PUS10: variants seen among roughly 807,000 people sequenced by gnomAD.
PUS10 encodes the protein tRNA pseudouridine synthase Pus10.
Under a neutral mutation model 75.0 loss-of-function variants are expected in PUS10, and 59 were observed. The observed-to-expected ratio is 0.79, with a 90% CI of 0.64 to 0.98. PUS10 has a LOEUF of 0.98. PUS10 is among the 50% of genes least tolerant of loss of function. The pLI is 0.00. For missense variants in PUS10, 650 were observed against 614.4 expected, an observed-to-expected ratio of 1.06 and a Z score of -0.61; for synonymous variants, 219 against 211.6, an observed-to-expected ratio of 1.03 and a Z score of -0.30.
chr2:60,987,997 G>A (rs189022747), intron 4 of PUS10, among the ~76,000 whole-genome samples: 191 of 151,920 alleles, frequency 1.3e-3, no homozygotes, highest in Non-Finnish European at 2.0e-3. Flanking sequence ...GCTGAGGCAG[G>A]AGAATCTCTT....
chr2:60,973,893 G>C (rs1365252585), intron 4 of PUS10, among the ~76,000 whole-genome samples: 1 of 152,226 alleles, frequency 6.6e-6, no homozygotes, highest in Non-Finnish European at 1.5e-5. Context: ...CCAAAGAGAT[G>C]AGGGGACAAC....
chr2:60,960,810 A>C lies in PUS10; in HGVS notation c.875-293T>G, dbSNP rs986855686. The stretch of plus-strand genomic sequence containing the variant: ...ATATTTAATTTGATTGGCTGACTAA[A>C]CAAGTTATATAATATTATGAATATA... On this transcript the variant is annotated intron_variant, in intron 10 of 17. Transcript: ENST00000316752. 2.6e-5 allele frequency among the ~76,000 whole-genome samples: 4 copies of C among 151,598 alleles called. No homozygotes were observed. In the South Asian group the frequency reaches 8.3e-4, roughly 32 times the overall value.
intron 1 of PUS10, among the ~76,000 whole-genome samples, chr2:61,014,831 C>G (rs1348396030): frequency 6.6e-6 from 1 of 152,192 alleles, no homozygotes; most frequent in Admixed American, 6.5e-5. Flanking sequence ...TTCTTCTAGT[C>G]TGCGTTTTCC....
At chr2:61,004,439 T>C (rs760955594) in intron 4 of PUS10, among the ~76,000 whole-genome samples, 2 of 151,868 alleles carry the variant, frequency 1.3e-5, no homozygotes. Flanking sequence ...CCATCCTGGC[T>C]AACACGGTGA....
intron 1 of PUS10, among the ~76,000 whole-genome samples, chr2:61,013,520 T>C (rs1679770362): frequency 1.3e-5 from 2 of 150,236 alleles, no homozygotes; most frequent in Admixed American, 6.6e-5. Context: ...CCTGTTATCA[T>C]TATGTCTTCA....
At chr2:60,960,310 A>G in intron 11 of PUS10, 82 bp downstream of exon 11, 1 of 1,111,422 alleles carries the variant, frequency 9.0e-7, no homozygotes, top group Non-Finnish European at 1.2e-6. Context: ...TGCTACTGCA[A>G]TCTAGCCTAG....
At chr2:61,011,582 T>G (rs1679597642) in intron 2 of PUS10, among the ~76,000 whole-genome samples, 183 bp downstream of exon 2, 1 of 152,156 alleles carries the variant, frequency 6.6e-6, no homozygotes, top group Non-Finnish European at 1.5e-5. Flanking sequence ...ATATAATCAC[T>G]TAAGAAGGAA....
At chr2:60,987,048 C>T (rs1677767974) in intron 4 of PUS10, among the ~76,000 whole-genome samples, 2 of 152,100 alleles carry the variant, frequency 1.3e-5, no homozygotes, top group South Asian at 4.1e-4. Flanking sequence ...TCTTAAAATC[C>T]ATTAAATTAA....
chr2:60,970,078 A>T lies in PUS10; in HGVS notation c.503+1445T>A, dbSNP rs1573430784. ...CTGCCTGGGCAACAGGGGTGAAACT[A>T]CGTTTAAAAAAAAAAACAAAACCCG... On this transcript the variant is annotated intron_variant, in intron 5 of 17. Transcript: ENST00000316752. Among the ~76,000 whole-genome samples the T allele has an allele frequency of 1.3e-5, 2 of 152,008 alleles. 1 individual carries two copies. The highest frequency in any genetic ancestry group is 3.8e-4 in the East Asian group (2 of 5,196).
chr2:61,017,404 T>C (rs1374589553), intron 1 of PUS10: 1 of 195,610 alleles, frequency 5.1e-6, no homozygotes, highest in Non-Finnish European at 1.0e-5. Context: ...AGCGAAGGAG[T>C]GCGTGCGGCT....
Position 60,965,502 on chromosome 2 carries a change from A to T in PUS10, c.616-18T>A, listed in dbSNP as rs1369953147. 2 of 1,574,952 alleles carry T rather than the reference A, an allele frequency of 1.3e-6. No homozygotes were observed. The highest frequency in any genetic ancestry group is 1.4e-5 in the African/African-American group (1 of 72,782). On this transcript the variant is annotated intron_variant, in intron 6 of 17. Coordinates refer to ENST00000316752, the MANE Select transcript of PUS10 (RefSeq NM_144709.4). ...AACAAGCTCTAAAAATTATAAAGACAGTTTAAAAATGAGCAAAAGGAAACT... is the reference window on the plus strand; with the variant it reads ...AACAAGCTCTAAAAATTATAAAGACTGTTTAAAAATGAGCAAAAGGAAACT...
intron 4 of PUS10, among the ~76,000 whole-genome samples, chr2:60,988,329 C>G (rs904828401): frequency 2.6e-4 from 40 of 151,922 alleles, no homozygotes; most frequent in Non-Finnish European, 1.2e-4. Flanking sequence ...ATATAAACTA[C>G]TATAAATAAA....
At chr2:60,953,891 AAACG>A in intron 14 of PUS10, 38 bp downstream of exon 14, 1 of 1,538,886 alleles carries the variant, frequency 6.5e-7, no homozygotes, top group South Asian at 1.1e-5. Context: ...CCTGCAACTA[AAACG>A]TCCCTTTTGA....
intron 17 of PUS10, among the ~76,000 whole-genome samples, chr2:60,943,762 T>TTGTGTGTG (rs56232022): frequency 8.6e-4 from 126 of 146,834 alleles, no homozygotes; most frequent in African/African-American, 3.0e-3. Context: ...GATCACAATC[T>TTGTGTGTG]TGTGTGTGTG....
intron 1 of PUS10, among the ~76,000 whole-genome samples, chr2:61,014,880 A>C (rs1679867106): frequency 6.6e-6 from 1 of 152,168 alleles, no homozygotes; most frequent in Admixed American, 6.5e-5. Context: ...AAGTTGCTAA[A>C]TGTTTGGGGC....
intron 1 of PUS10, among the ~76,000 whole-genome samples, chr2:61,014,625 T>A (rs762536456): frequency 6.6e-6 from 1 of 152,216 alleles, no homozygotes; most frequent in Non-Finnish European, 1.5e-5. Flanking sequence ...ACAGTTCATA[T>A]TACCTTAAAA....
At chr2:60,964,837 C>G (rs1265638386) in intron 8 of PUS10, among the ~76,000 whole-genome samples, 1 of 152,136 alleles carries the variant, frequency 6.6e-6, no homozygotes, top group East Asian at 1.9e-4. Flanking sequence ...CTAGACACTA[C>G]ACAAACATGA....
chr2:60,942,980 G>A (rs556515365), intron 17 of PUS10, among the ~76,000 whole-genome samples: 13 of 142,350 alleles, frequency 9.1e-5, no homozygotes, highest in Non-Finnish European at 1.3e-4. Context: ...GCAGTGAGCC[G>A]AAATCACGCC....
chr2:61,006,949 C>T (rs747749213), intron 3 of PUS10, among the ~76,000 whole-genome samples: 37 of 152,182 alleles, frequency 2.4e-4, no homozygotes, highest in Non-Finnish European at 5.3e-4. Flanking sequence ...AAATATAGCA[C>T]TCTTGACAGA....
Sources: allele counts gnomAD v4.1 joint callset (sites outside exome capture counted in the v4.1 genomes callset), GRCh38; gene constraint gnomAD v4.1.1; transcripts MANE v1.5; gene names NCBI Gene and HGNC (gene_info 2026-07-23, HGNC 2026-07-21).